PTPRT: variants seen among roughly 807,000 people sequenced by gnomAD.
The protein encoded by PTPRT is protein tyrosine phosphatase receptor type T, also known as receptor-type tyrosine-protein phosphatase T.
Under a neutral mutation model 176.8 loss-of-function variants are expected in PTPRT, and 56 were observed. The observed-to-expected ratio is 0.32, with a 90% CI of 0.26 to 0.40. The LOEUF is 0.40. Ranked by LOEUF, PTPRT falls within the 10% of genes least tolerant of loss-of-function variation. The probability of loss-of-function intolerance (pLI) is 1.00; values close to 1 mark genes in which losing one functional copy is unlikely to be tolerated. For missense variants in PTPRT, 1,540 were observed against 1,908.2 expected, an observed-to-expected ratio of 0.81 and a Z score of 3.60; for synonymous variants, 783 against 739.0, an observed-to-expected ratio of 1.06 and a Z score of -0.96.
chr20:42,080,676 C>T lies in PTPRT; in HGVS notation c.*203G>A, dbSNP rs1423790775. Reference sequence around the variant, plus strand: ...GTTAGGTTGAAAAGGAAGCCTGGGCCTTTTGGAGCAGCATCTCCCACGGCA... The same window carrying T: ...GTTAGGTTGAAAAGGAAGCCTGGGCTTTTTGGAGCAGCATCTCCCACGGCA... On this transcript the variant is annotated 3_prime_UTR_variant, in exon 31 of 31. Transcript: ENST00000373187. 1 of 448,638 alleles carries T rather than the reference C, an allele frequency of 2.2e-6. No individual in the cohort carries two copies. Among genetic ancestry groups the T allele is most frequent in the African/African-American group, 2.0e-5 (1 of 49,810 alleles). The allele number at this position is 448,638 out of a possible 1,614,324, so 27.8% of individuals were successfully genotyped here. A position where few individuals can be genotyped will look rare whatever the true frequency, so the allele number is the denominator to read the frequency against.
chr20:42,621,671 C>T (rs985052051), intron 7 of PTPRT, among the ~76,000 whole-genome samples: 5 of 152,176 alleles, frequency 3.3e-5, no homozygotes, highest in Non-Finnish European at 5.9e-5. Context: ...TCAATGGTTG[C>T]ATTTCTTGGC....
At chr20:42,606,601 T>A (rs2073881539) in intron 7 of PTPRT, 1 of 152,188 alleles carries the variant, frequency 6.6e-6, no homozygotes, top group Non-Finnish European at 1.5e-5. Flanking sequence ...GATCCCCATT[T>A]TACAGATGAT....
chr20:42,301,230 T>G (rs772133533), intron 12 of PTPRT, among the ~76,000 whole-genome samples: 2 of 152,246 alleles, frequency 1.3e-5, no homozygotes, highest in African/African-American at 4.8e-5. Flanking sequence ...ATGTGCCACC[T>G]AGTATGACAC....
In PTPRT at chr20:42,634,376, A is replaced by G. The variant is rs1434224089; in HGVS notation, c.1153+43490T>C. The stretch of plus-strand genomic sequence containing the variant: ...TCACAGAGGCCTTGAAAGCTCCATG[A>G]TAGAGATGACAGAGCTATAAGATGA... On this transcript the variant is annotated intron_variant, in intron 7 of 30. Transcript: ENST00000373187. Among the ~76,000 whole-genome samples the G allele has an allele frequency of 2.7e-5, 4 of 150,646 alleles. No homozygotes were observed. In the East Asian group the frequency reaches 5.9e-4, roughly 22 times the overall value.
At chr20:43,108,312 A>G (rs1450523624) in intron 1 of PTPRT, among the ~76,000 whole-genome samples, 2 of 152,202 alleles carry the variant, frequency 1.3e-5, no homozygotes, top group Non-Finnish European at 2.9e-5. Flanking sequence ...ACTTGTGGAC[A>G]ATCTGGTTGA....
chr20:42,800,304 G>A (rs2077511746), intron 2 of PTPRT, among the ~76,000 whole-genome samples: 1 of 152,122 alleles, frequency 6.6e-6, no homozygotes, highest in South Asian at 2.1e-4. Flanking sequence ...TGTGTTTGAT[G>A]GCAAGGAGTG....
chr20:42,950,267 T>C (rs565650051), intron 1 of PTPRT, among the ~76,000 whole-genome samples: 1 of 152,224 alleles, frequency 6.6e-6, no homozygotes, highest in Non-Finnish European at 1.5e-5. Context: ...TGGTGGTTTC[T>C]ATAGAAACAG....
intron 16 of PTPRT, among the ~76,000 whole-genome samples, chr20:42,179,790 G>A (rs902653123): frequency 3.9e-5 from 6 of 152,166 alleles, no homozygotes; most frequent in Non-Finnish European, 5.9e-5. Context: ...AGTCTGAATG[G>A]GGTAGGTGTA....
At chr20:42,613,652 A>G (rs1388214290) in intron 7 of PTPRT, among the ~76,000 whole-genome samples, 1 of 152,210 alleles carries the variant, frequency 6.6e-6, no homozygotes, top group African/African-American at 2.4e-5. Flanking sequence ...TACCCTTTAC[A>G]GGGAAATCCT....
At chr20:42,797,390 C>G (rs759466286) in intron 2 of PTPRT, among the ~76,000 whole-genome samples, 1 of 152,172 alleles carries the variant, frequency 6.6e-6, no homozygotes, top group Admixed American at 6.5e-5. Context: ...CAAAGCCAAC[C>G]GTGACATGTT....
intron 19 of PTPRT, among the ~76,000 whole-genome samples, chr20:42,125,077 C>A (rs1987788144): frequency 6.6e-6 from 1 of 152,092 alleles, no homozygotes; most frequent in Non-Finnish European, 1.5e-5. Flanking sequence ...GAAGGGCAGC[C>A]CTCTCTCATA....
chr20:42,259,423 A>G (rs2056707428), intron 13 of PTPRT, among the ~76,000 whole-genome samples: 1 of 152,194 alleles, frequency 6.6e-6, no homozygotes, highest in Non-Finnish European at 1.5e-5. Context: ...CTTCTATGGC[A>G]TATCCTTTTA....
At chr20:42,209,648 A>C (rs1328827014) in intron 15 of PTPRT, among the ~76,000 whole-genome samples, 1 of 152,142 alleles carries the variant, frequency 6.6e-6, no homozygotes, top group African/African-American at 2.4e-5. Context: ...AATTGTGGCA[A>C]TAATCAATAG....
intron 1 of PTPRT, among the ~76,000 whole-genome samples, chr20:43,072,231 T>C (rs2011190993): frequency 6.6e-6 from 1 of 152,308 alleles, no homozygotes; most frequent in South Asian, 2.1e-4. Context: ...AATGGCCTTA[T>C]AGACATCATA....
intron 2 of PTPRT, among the ~76,000 whole-genome samples, chr20:42,836,227 A>C (rs1392554298): frequency 1.3e-5 from 2 of 152,020 alleles, no homozygotes; most frequent in Admixed American, 1.3e-4. Context: ...CCTCCCACAT[A>C]GGGCCAGGCA....
chr20:42,077,384 A>G lies in PTPRT; in HGVS notation c.*3495T>C, dbSNP rs1485358889. 4.6e-6 allele frequency: 1 copy of G among 215,844 alleles called. No individual in the cohort carries two copies. The highest frequency in any genetic ancestry group is 6.8e-5 in the East Asian group (1 of 14,652). 13.4% of individuals were successfully genotyped at this position (215,844 alleles called of 1,614,324 possible). ...GGTGGAGAAATTTCCTGGGCTTCTC[A>G]TTACTTCCTTGCATCTTCCCCAAAC... On this transcript the variant is annotated 3_prime_UTR_variant, in exon 31 of 31. Transcript: ENST00000373187.
At chr20:42,458,881 G>A (rs144276835) in intron 8 of PTPRT, among the ~76,000 whole-genome samples, 8 of 151,964 alleles carry the variant, frequency 5.3e-5, no homozygotes, top group Non-Finnish European at 8.8e-5. Context: ...TAAGTGCTTG[G>A]GAAGCAGAGT....
chr20:42,248,835 A>G lies in PTPRT; in HGVS notation c.2177-13T>C. 6.2e-7 allele frequency: 1 copy of G among 1,613,158 alleles called. No individual in the cohort carries two copies. The highest frequency in any genetic ancestry group is 8.5e-7 in the Non-Finnish European group (1 of 1,179,180). ...TGGGTGGAGGCACCTAGGAAGGGAAAGGGAAGGATAGCAATGTTGAAAGCA... is the reference window on the plus strand; with the variant it reads ...TGGGTGGAGGCACCTAGGAAGGGAAGGGGAAGGATAGCAATGTTGAAAGCA... On this transcript the variant is annotated splice_polypyrimidine_tract_variant and intron_variant, in intron 13 of 30. Transcript: ENST00000373187.
At chr20:42,182,431 G>T (rs1307762323) in intron 16 of PTPRT, among the ~76,000 whole-genome samples, 1 of 152,162 alleles carries the variant, frequency 6.6e-6, no homozygotes, top group Middle Eastern at 3.2e-3. Context: ...GGGTGACAGG[G>T]ACCAGATTTG....
Sources: gnomAD v4.1 joint callset for allele counts (sites outside exome capture counted in the v4.1 genomes callset) on GRCh38, gnomAD v4.1.1 for gene constraint, MANE v1.5 for transcripts, NCBI Gene and HGNC (gene_info 2026-07-23, HGNC 2026-07-21) for gene names.